The following DNAH10 variants were observed in gnomAD, a reference collection of about 807,000 sequenced individuals.
DNAH10 encodes the protein dynein axonemal heavy chain 10, also known as axonemal beta dynein heavy chain 10.
A neutral mutation model predicts 506.6 loss-of-function variants in DNAH10; 348 were observed. The ratio of observed to expected loss-of-function variants is 0.69; its 90% CI spans 0.63 to 0.75. The LOEUF is 0.75. Ranked by LOEUF, DNAH10 falls within the 30% of genes least tolerant of loss-of-function variation. The pLI, the probability that DNAH10 is intolerant of heterozygous loss-of-function variation, is 0.00. For missense variants in DNAH10, 5,179 were observed against 5,787.1 expected, an observed-to-expected ratio of 0.89 and a Z score of 3.41; for synonymous variants, 2,059 against 2,198.6, an observed-to-expected ratio of 0.94 and a Z score of 1.78.
Position 123,838,647 on chromosome 12 carries a change from G to A in DNAH10, c.5094G>A (p.Leu1698=). Residue 1698 remains leucine (L), a synonymous_variant, in exon 29 of 79, where the codon CTG becomes CTA. Transcript: ENST00000673944. ...FISDDELLSI[L]GSSDPLCVQE... is the part of the protein sequence containing the mutation. Reference sequence around the variant, plus strand: ...CTGACGATGAGTTGCTTAGCATTCTGGGGAGCAGCGACCCACTCTGCGTCC... The same window carrying A: ...CTGACGATGAGTTGCTTAGCATTCTAGGGAGCAGCGACCCACTCTGCGTCC... The A allele has an allele frequency of 6.2e-7, 1 of 1,613,958 alleles. No individual in the cohort carries two copies. Among genetic ancestry groups the A allele is most frequent in the Non-Finnish European group, 8.5e-7 (1 of 1,179,898 alleles).
At chr12:123,827,576 G>A (rs1224241631) in intron 25 of DNAH10, among the ~76,000 whole-genome samples, 1 of 152,154 alleles carries the variant, frequency 6.6e-6, no homozygotes, top group Non-Finnish European at 1.5e-5. Flanking sequence ...ACACGAATTA[G>A]GAGTTACAGT....
Position 123,781,184 on chromosome 12 carries a change from G to A in DNAH10, c.726G>A (p.Pro242=), listed in dbSNP as rs1036807138. 9.3e-6 allele frequency: 15 copies of A among 1,613,596 alleles called. No homozygotes were observed. The Middle Eastern group carries it at 6.6e-4, about 71-fold the overall frequency. ...CCTCTGAGCATGAATCAGACCTGCC[G>A]CCCATGCCTGGGGAGGCAGTAGAAT... The part of the protein sequence containing the change: ...SNSSEHESDL[P]PMPGEAVEYH... The change falls in exon 6 of 79, where the codon CCG becomes CCA. Residue 242 remains proline, a synonymous_variant. Coordinates refer to ENST00000673944, the MANE Select transcript of DNAH10 (RefSeq NM_001372106.1).
At chr12:123,782,375 CCTTTT>C (rs1392029492) in intron 6 of DNAH10, among the ~76,000 whole-genome samples, 2 of 132,322 alleles carry the variant, frequency 1.5e-5, no homozygotes, top group African/African-American at 5.9e-5. Flanking sequence ...CCTCCCCTTC[CCTTTT>C]CTTTCTTTTC....
chr12:123,874,620 C>T lies in DNAH10; in HGVS notation c.7939-611C>T, dbSNP rs137898900. Among the ~76,000 whole-genome samples, 1,292 of 152,136 alleles carry T rather than the reference C, an allele frequency of 8.5e-3. 49 individuals are homozygous for T. The highest frequency in any genetic ancestry group is 0.067 in the Admixed American group (1,023 of 15,274). On this transcript the variant is annotated intron_variant, in intron 46 of 78. Transcript: ENST00000673944. ...CCATCCATCTACCCATCCATCCATC[C>T]ATCCATCCATCCATCCATTCAATGG...
intron 19 of DNAH10, among the ~76,000 whole-genome samples, chr12:123,812,210 G>A (rs1313598809): frequency 1.3e-5 from 2 of 152,064 alleles, no homozygotes; most frequent in African/African-American, 4.8e-5. Flanking sequence ...CCAGTACTTT[G>A]GGAGGCCGAG....
chr12:123,932,525 T>C (rs1955265546), intron 76 of DNAH10: 1 of 172,104 alleles, frequency 5.8e-6, no homozygotes, highest in Non-Finnish European at 1.2e-5. Context: ...CTGGTGCACA[T>C]GTATATGAAT....
chr12:123,892,625 T>G (rs937742923), intron 52 of DNAH10, among the ~76,000 whole-genome samples: 9 of 152,262 alleles, frequency 5.9e-5, no homozygotes, highest in Non-Finnish European at 1.2e-4. Context: ...AGCCGTGGCC[T>G]GCCACGTTAA....
chr12:123,893,340 C>T lies in DNAH10; in HGVS notation c.9103C>T (p.Gln3035Ter). The change falls in exon 53 of 79, where the codon CAG becomes TAG. Residue 3035 changes from glutamine (Q) to a stop codon, truncating the protein, a stop_gained. Transcript: ENST00000673944. LOFTEE classifies it high-confidence loss of function. ...GGGGCCGGCCAAGGAGTCTGTGTGGCAGTACTTCGTGAACAAAAGTGCAAA... is the reference window on the plus strand; with the variant it reads ...GGGGCCGGCCAAGGAGTCTGTGTGGTAGTACTTCGTGAACAAAAGTGCAAA... ...GMGPAKESVW[Q>*]YFVNKSANNL... The T allele has an allele frequency of 1.2e-6, 2 of 1,614,022 alleles. No homozygotes were observed. Among genetic ancestry groups the T allele is most frequent in the Middle Eastern group, 1.7e-4 (1 of 6,046 alleles).
At chr12:123,896,148 C>T (rs187185984) in intron 54 of DNAH10, among the ~76,000 whole-genome samples, 1,173 of 95,296 alleles carry the variant, frequency 0.012, 17 homozygotes, top group Non-Finnish European at 0.018. Context: ...CACACACACA[C>T]AGAGAGAGAG....
At chr12:123,884,896 G>A (rs1952665035) in intron 51 of DNAH10, among the ~76,000 whole-genome samples, 1 of 152,112 alleles carries the variant, frequency 6.6e-6, no homozygotes, top group Non-Finnish European at 1.5e-5. Context: ...GGTACCAGTA[G>A]CCTTTTAGTG....
Position 123,925,850 on chromosome 12 carries a change from C to T in DNAH10, c.11921+646C>T, listed in dbSNP as rs1320236495. On this transcript the variant is annotated intron_variant, in intron 68 of 78. Transcript: ENST00000673944. This position sits in a 1 kb window ranked among gnomAD's most constrained non-coding sequence, Gnocchi z 4.0. ...CATTGGGAACCCACAGTGGCTGGAT[C>T]CTCTGACTCTGAAAGAAGCTAGGAC... The T allele has an allele frequency of 6.6e-6, 1 of 152,218 alleles. No individual in the cohort carries two copies. Among genetic ancestry groups the T allele is most frequent in the East Asian group, 1.9e-4 (1 of 5,192 alleles). The allele number at this position is 152,218 out of a possible 1,614,324, so 9.4% of individuals were successfully genotyped here. A position where few individuals can be genotyped will look rare whatever the true frequency, so the allele number is the denominator to read the frequency against.
In DNAH10 at chr12:123,926,679, G is replaced by A. The variant is rs758520868; in HGVS notation, c.11964G>A (p.Glu3988=). ...PPMISFEAIF[E]QSTPHSPIVF... ...TGATCAGCTTTGAAGCTATTTTTGA[G>A]CAGAGCACTCCACATTCGCCCATTG... is the stretch of plus-strand genomic sequence containing the variant. The change falls in exon 69 of 79, where the codon GAG becomes GAA. Residue 3988 remains glutamate, a synonymous_variant. Coordinates refer to ENST00000673944, the MANE Select transcript of DNAH10 (RefSeq NM_001372106.1). The surrounding 1 kb of genome is among the most constrained non-coding windows in gnomAD (Gnocchi z 4.1). The A allele has an allele frequency of 2.5e-6, 4 of 1,613,848 alleles. No individual in the cohort carries two copies. The Admixed American group carries it at 6.7e-5, about 27-fold the overall frequency.
rs550211798 is a variant in DNAH10 at position 123,902,360 on chromosome 12, T to A, written c.9641-579T>A. On this transcript the variant is annotated intron_variant, in intron 56 of 78. Coordinates refer to ENST00000673944, the MANE Select transcript of DNAH10 (RefSeq NM_001372106.1). The surrounding 1 kb of genome is among the most constrained non-coding windows in gnomAD (Gnocchi z 4.5). The stretch of plus-strand genomic sequence containing the variant: ...CTGTGAGCCAAGCCCTGCTCTAGGT[T>A]TTGGGGTTCCGGCCCTCGGGGAGGT... Among the ~76,000 whole-genome samples, 1 of 152,236 alleles carries A rather than the reference T, an allele frequency of 6.6e-6. No homozygotes were observed. Among genetic ancestry groups the A allele is most frequent in the Admixed American group, 6.5e-5 (1 of 15,294 alleles).
At position 123,901,294 on chromosome 12, in the gene DNAH10, C is replaced by T. The variant is rs1382502717; in HGVS notation, c.9641-1645C>T. On this transcript the variant is annotated intron_variant, in intron 56 of 78. Transcript: ENST00000673944. The stretch of plus-strand genomic sequence containing the variant: ...CTGCTGGCACCACCCCCCACCCCCG[C>T]GCCTCAGCACGCTCACAGCTTAGAC... Among the ~76,000 whole-genome samples the T allele has an allele frequency of 5.3e-5, 8 of 152,188 alleles. No homozygotes were observed. The South Asian group carries it at 1.0e-3, about 20-fold the overall frequency.
At position 123,873,720 on chromosome 12, in the gene DNAH10, C is replaced by A; in HGVS notation, c.7938+10C>A. 6.3e-7 allele frequency: 1 copy of A among 1,599,392 alleles called. No homozygotes were observed. Among genetic ancestry groups the A allele is most frequent in the South Asian group, 1.1e-5 (1 of 88,710 alleles). ...CATGAATATGCCAAGGGTAGTTTGA[C>A]GCTCAAGCAGGTGGAGGGATGGGTC... On this transcript the variant is annotated intron_variant, in intron 46 of 78. Transcript: ENST00000673944.
chr12:123,889,372 T>C (rs539340771), intron 52 of DNAH10, among the ~76,000 whole-genome samples: 1 of 152,354 alleles, frequency 6.6e-6, no homozygotes, highest in South Asian at 2.1e-4. Flanking sequence ...TCTGTTTCAG[T>C]GGGTTGTCGG....
chr12:123,923,926 T>G, intron 66 of DNAH10, 59 bp downstream of exon 66: 1 of 1,279,134 alleles, frequency 7.8e-7, no homozygotes, highest in South Asian at 1.4e-5. Flanking sequence ...TACATGTATA[T>G]AAGTTTGTCT....
chr12:123,861,251 A>T, intron 39 of DNAH10, 81 bp downstream of exon 39: 1 of 1,492,264 alleles, frequency 6.7e-7, no homozygotes, highest in Non-Finnish European at 9.0e-7. Context: ...GCAGGACTAT[A>T]CATTGTAGCT....
At chr12:123,863,581 G>A (rs1241804010) in intron 39 of DNAH10, among the ~76,000 whole-genome samples, 2 of 152,218 alleles carry the variant, frequency 1.3e-5, no homozygotes, top group Non-Finnish European at 2.9e-5. Context: ...TCCTTGGCTT[G>A]TGACCACATC....
Sources: gnomAD v4.1 joint callset for allele counts (sites outside exome capture counted in the v4.1 genomes callset) on GRCh38, gnomAD v4.1.1 for gene constraint, Gnocchi (gnomAD v3.1) non-coding constraint, MANE v1.5 for transcripts, NCBI Gene and HGNC (gene_info 2026-07-23, HGNC 2026-07-21) for gene names.